RAD23B: variants seen among roughly 807,000 people sequenced by gnomAD.
RAD23B encodes lysine-specific demethylase RAD23B.
A neutral mutation model predicts 49.1 loss-of-function variants in RAD23B; 5 were observed. The ratio of observed to expected loss-of-function variants is 0.10; its 90% CI spans 0.05 to 0.21. The LOEUF (loss-of-function observed/expected upper bound fraction) is 0.21. RAD23B is among the 10% of genes least tolerant of loss of function. The pLI, the probability that RAD23B is intolerant of heterozygous loss-of-function variation, is 1.00. For synonymous variants in RAD23B, 184 were observed against 165.4 expected (o/e 1.11, Z -0.86); for missense variants, 356 against 486.7 (o/e 0.73, Z 2.53).
intron 3 of RAD23B, among the ~76,000 whole-genome samples, chr9:107,305,409 A>G (rs1249057264): frequency 6.6e-6 from 1 of 152,202 alleles, no homozygotes; most frequent in East Asian, 1.9e-4. Context: ...GAATAGGCTG[A>G]GAAAGAGAAA....
chr9:107,305,106 T>TG (rs763691917), intron 3 of RAD23B, among the ~76,000 whole-genome samples: 5 of 151,104 alleles, frequency 3.3e-5, no homozygotes, highest in Non-Finnish European at 7.4e-5. Context: ...CTGGGTAACA[T>TG]GGCGAAACCT....
chr9:107,304,447 T>G (rs1276873845), intron 3 of RAD23B, among the ~76,000 whole-genome samples: 1 of 87,862 alleles, frequency 1.1e-5, no homozygotes, highest in Non-Finnish European at 2.5e-5. Context: ...ATTTTAGTTT[T>G]AGAACAGTAA....
intron 5 of RAD23B, among the ~76,000 whole-genome samples, chr9:107,316,422 A>C (rs1284449517): frequency 6.6e-6 from 1 of 152,254 alleles, no homozygotes; most frequent in Non-Finnish European, 1.5e-5. Context: ...ACACCATGTT[A>C]AAATAGTGCA....
chr9:107,283,750 A>T, intron 1 of RAD23B, 55 bp downstream of exon 1: 2 of 1,347,518 alleles, frequency 1.5e-6, no homozygotes, highest in Non-Finnish European at 1.9e-6. Flanking sequence ...GGGGAGCGCC[A>T]GGAGCTCGTG....
At position 107,329,528 on chromosome 9, in the gene RAD23B, T is replaced by C. The variant is rs1170289578; in HGVS notation, c.1117-15T>C. Reference sequence around the variant, plus strand: ...TTGGTGTGTTGGATTTATATTTTTTTCCTTTTTCTTCCAGTTAAAGGCATT... The same window carrying C: ...TTGGTGTGTTGGATTTATATTTTTTCCCTTTTTCTTCCAGTTAAAGGCATT... On this transcript the variant is annotated splice_polypyrimidine_tract_variant and intron_variant, in intron 9 of 9. Transcript: ENST00000358015. 2 of 1,483,238 alleles carry C rather than the reference T, an allele frequency of 1.3e-6. No homozygotes were observed. Among genetic ancestry groups the C allele is most frequent in the Admixed American group, 1.7e-5 (1 of 57,394 alleles). 91.9% of individuals were successfully genotyped at this position (1,483,238 alleles called of 1,614,324 possible). A position where few individuals can be genotyped will look rare whatever the true frequency, so the allele number is the denominator to read the frequency against.
intron 9 of RAD23B, 45 bp downstream of exon 9, chr9:107,325,049 T>G: frequency 5.1e-6 from 8 of 1,557,324 alleles, no homozygotes; most frequent in Non-Finnish European, 5.3e-6. Context: ...TTGGCTGGGC[T>G]CATGCCTGTA....
chr9:107,287,847 A>C (rs977198942), intron 1 of RAD23B, among the ~76,000 whole-genome samples: 2 of 151,770 alleles, frequency 1.3e-5, no homozygotes, highest in South Asian at 2.1e-4. Flanking sequence ...AAAAAAAAAA[A>C]AAACAAAAAA....
At chr9:107,286,839 G>A (rs1047163396) in intron 1 of RAD23B, among the ~76,000 whole-genome samples, 12 of 152,096 alleles carry the variant, frequency 7.9e-5, no homozygotes, top group Admixed American at 1.3e-4. Flanking sequence ...TTGGGAGGCC[G>A]AGGTGGGCGG....
intron 5 of RAD23B, among the ~76,000 whole-genome samples, chr9:107,315,241 C>T (rs116593640): frequency 8.5e-5 from 13 of 152,184 alleles, no homozygotes; most frequent in South Asian, 8.3e-4. Flanking sequence ...GTCCTTTCCC[C>T]GGTGTATGTT....
chr9:107,329,249 T>G (rs1354514016), intron 9 of RAD23B, among the ~76,000 whole-genome samples: 1 of 152,222 alleles, frequency 6.6e-6, no homozygotes, highest in African/African-American at 2.4e-5. Flanking sequence ...TAATTTTTAA[T>G]TAGGCCAAAG....
At chr9:107,325,760 G>C (rs1827192030) in intron 9 of RAD23B, among the ~76,000 whole-genome samples, 1 of 152,078 alleles carries the variant, frequency 6.6e-6, no homozygotes, top group South Asian at 2.1e-4. Flanking sequence ...TGCCCTATCT[G>C]GAGCCTCCAG....
At chr9:107,291,870 C>T (rs570357088) in intron 1 of RAD23B, among the ~76,000 whole-genome samples, 3 of 152,172 alleles carry the variant, frequency 2.0e-5, no homozygotes, top group East Asian at 1.9e-4. Flanking sequence ...TTAATTAGGC[C>T]GTGTAGTATT....
At chr9:107,297,881 C>T (rs1046355143) in intron 1 of RAD23B, among the ~76,000 whole-genome samples, 2 of 151,970 alleles carry the variant, frequency 1.3e-5, no homozygotes, top group African/African-American at 4.8e-5. Context: ...TGAGATATTC[C>T]TGCATGTTTA....
intron 1 of RAD23B, chr9:107,284,132 C>A: frequency 1.0e-6 from 1 of 992,162 alleles, no homozygotes; most frequent in Non-Finnish European, 1.2e-6. Flanking sequence ...GTTGGTAACC[C>A]GAGAAGATGA....
At chr9:107,326,635 T>TC (rs1827211316) in intron 9 of RAD23B, among the ~76,000 whole-genome samples, 1 of 92,872 alleles carries the variant, frequency 1.1e-5, no homozygotes, top group Non-Finnish European at 2.1e-5. Flanking sequence ...TTCTTTTTTT[T>TC]TTTTTTTTTT....
intron 1 of RAD23B, among the ~76,000 whole-genome samples, chr9:107,290,606 T>TA (rs1405549131): frequency 2.6e-5 from 4 of 152,210 alleles, no homozygotes; most frequent in South Asian, 2.1e-4. Flanking sequence ...TCCTCTTTAT[T>TA]AAAATGAGAG....
chr9:107,287,005 G>A (rs1296556103), intron 1 of RAD23B, among the ~76,000 whole-genome samples: 1 of 151,396 alleles, frequency 6.6e-6, no homozygotes, highest in Non-Finnish European at 1.5e-5. Flanking sequence ...AACCCAGGAG[G>A]CAGAGGTTGC....
intron 3 of RAD23B, among the ~76,000 whole-genome samples, chr9:107,306,051 C>G (rs10816489): frequency 2.0e-4 from 10 of 49,790 alleles, no homozygotes; most frequent in Admixed American, 4.5e-4. Flanking sequence ...CGGTTTATAT[C>G]TATATATATA....
intron 5 of RAD23B, among the ~76,000 whole-genome samples, chr9:107,314,748 G>A (rs182440394): frequency 1.3e-5 from 2 of 152,146 alleles, no homozygotes; most frequent in Non-Finnish European, 2.9e-5. Flanking sequence ...AGAAATTTCC[G>A]TACTGTTTTC....
Sources: gnomAD v4.1 joint callset for allele counts (sites outside exome capture counted in the v4.1 genomes callset) on GRCh38, gnomAD v4.1.1 for gene constraint, MANE v1.5 for transcripts, NCBI Gene and HGNC (gene_info 2026-07-23, HGNC 2026-07-21) for gene names.